SLC41A2: variants seen among roughly 807,000 people sequenced by gnomAD.
The protein encoded by SLC41A2 is solute carrier family 41 member 2, also known as SLC41A1-like 1.
SLC41A2 carries 32 observed loss-of-function variants against 58.3 expected under a neutral mutation model. That is an observed-to-expected ratio of 0.55 (90% CI 0.41 to 0.74). The LOEUF (loss-of-function observed/expected upper bound fraction) is 0.74. SLC41A2 is among the 30% of genes least tolerant of loss of function. SLC41A2 has a pLI of 0.00. For missense variants in SLC41A2, 514 were observed against 680.6 expected (o/e 0.76, Z 2.72); for synonymous variants, 190 against 235.0 (o/e 0.81, Z 1.75).
chr12:104,944,472 G>A (rs1018380023), intron 1 of SLC41A2, among the ~76,000 whole-genome samples: 6 of 152,198 alleles, frequency 3.9e-5, no homozygotes, highest in African/African-American at 7.2e-5. Flanking sequence ...TTGAGATTAC[G>A]TAAATCACAG....
At chr12:104,949,753 T>C (rs1450283438) in intron 1 of SLC41A2, among the ~76,000 whole-genome samples, 4 of 152,104 alleles carry the variant, frequency 2.6e-5, no homozygotes, top group Non-Finnish European at 5.9e-5. Context: ...CCGGCTAATA[T>C]TGTATTTTTA....
intron 10 of SLC41A2, among the ~76,000 whole-genome samples, chr12:104,824,434 T>C (rs1228147653): frequency 1.3e-5 from 2 of 152,098 alleles, no homozygotes; most frequent in African/African-American, 2.4e-5. Context: ...AGCCCAGGCC[T>C]CCAAGCGGCC....
At chr12:104,906,314 C>A (rs1445652189) in intron 3 of SLC41A2, among the ~76,000 whole-genome samples, 1 of 152,170 alleles carries the variant, frequency 6.6e-6, no homozygotes, top group African/African-American at 2.4e-5. Flanking sequence ...TGAAGGCAGA[C>A]CATGCCACCA....
At position 104,949,551 on chromosome 12, in the gene SLC41A2, T is replaced by G. The variant is rs191728899; in HGVS notation, c.-168+8537A>C. 3.1e-3 allele frequency among the ~76,000 whole-genome samples: 471 copies of G among 152,268 alleles called. 6 individuals are homozygous for G. The highest frequency in any genetic ancestry group is 0.011 in the African/African-American group (457 of 41,530). On this transcript the variant is annotated intron_variant, in intron 1 of 10. Coordinates refer to ENST00000258538, the MANE Select transcript of SLC41A2 (RefSeq NM_001352171.3). ...AATGTAAGTGTTCACCAACTACAAG[T>G]TGAAAGGAGGAATGAACAAAATGAT... is the stretch of plus-strand genomic sequence containing the variant.
chr12:104,867,831 T>C (rs1267910407), intron 6 of SLC41A2, among the ~76,000 whole-genome samples: 2 of 151,462 alleles, frequency 1.3e-5, no homozygotes, highest in Non-Finnish European at 1.5e-5. Context: ...ACTCTTATCT[T>C]TGACTGAATT....
intron 2 of SLC41A2, among the ~76,000 whole-genome samples, chr12:104,925,524 G>C (rs929274716): frequency 4.0e-5 from 6 of 151,870 alleles, no homozygotes; most frequent in Non-Finnish European, 7.4e-5. Flanking sequence ...CGCCACTGCA[G>C]TCCGGCCTGG....
intron 3 of SLC41A2, 41 bp downstream of exon 3, chr12:104,909,613 AG>A (rs765388595): frequency 1.5e-6 from 2 of 1,304,980 alleles, no homozygotes; most frequent in African/African-American, 1.5e-5. Flanking sequence ...AGAGAGAAAC[AG>A]GATAGGTAAT....
chr12:104,817,998 A>C (rs777115083), intron 10 of SLC41A2, among the ~76,000 whole-genome samples: 1 of 152,248 alleles, frequency 6.6e-6, no homozygotes, highest in Admixed American at 6.5e-5. Context: ...CATCACAAAA[A>C]AATGATAATT....
At chr12:104,924,894 G>A (rs933445868) in intron 2 of SLC41A2, among the ~76,000 whole-genome samples, 64 of 152,090 alleles carry the variant, frequency 4.2e-4, no homozygotes, top group African/African-American at 1.4e-3. Flanking sequence ...AATGTTGAGG[G>A]AAAAAAAGCC....
intron 6 of SLC41A2, among the ~76,000 whole-genome samples, chr12:104,873,061 C>T (rs542977612): frequency 3.2e-4 from 49 of 152,260 alleles, no homozygotes; most frequent in African/African-American, 1.1e-3. Flanking sequence ...TCTTGGCAAA[C>T]TTCTAGTTAT....
In SLC41A2 at chr12:104,928,334, C is replaced by A. The variant is rs1284394175; in HGVS notation, c.194G>T (p.Trp65Leu). ...TACTGCAGTTGATAATCCATCTTGC[C>A]AAATGCCGTTTGCTTTTTTGTGCCT... is the stretch of plus-strand genomic sequence containing the variant. ...EDRHKKANGI[W>L]QDGLSTAVQT... Residue 65 changes from tryptophan to leucine, a missense_variant, in exon 2 of 11, where the codon TGG becomes TTG. Transcript: ENST00000258538. 1.9e-6 allele frequency: 3 copies of A among 1,612,700 alleles called. No individual in the cohort carries two copies. Among genetic ancestry groups the A allele is most frequent in the Middle Eastern group, 1.7e-4 (1 of 6,058 alleles).
At chr12:104,941,482 C>T (rs1210458559) in intron 1 of SLC41A2, among the ~76,000 whole-genome samples, 1 of 152,046 alleles carries the variant, frequency 6.6e-6, no homozygotes, top group Admixed American at 6.5e-5. Context: ...GAATCACAAC[C>T]CTCAACTCTC....
At chr12:104,915,358 C>A (rs945947647) in intron 2 of SLC41A2, among the ~76,000 whole-genome samples, 2 of 152,124 alleles carry the variant, frequency 1.3e-5, no homozygotes, top group Non-Finnish European at 2.9e-5. Flanking sequence ...AAACCTTGGG[C>A]AGTATGGCCA....
rs534247466 is a variant in SLC41A2, at chr12:104,956,207, A to C, written c.-168+1881T>G. Reference sequence around the variant, plus strand: ...ATGTAAAGGGGTCAGTAAGATGTCCAGAATGAACAGGTAGGGTATTCTTAA... The same window carrying C: ...ATGTAAAGGGGTCAGTAAGATGTCCCGAATGAACAGGTAGGGTATTCTTAA... On this transcript the variant is annotated intron_variant, in intron 1 of 10. Coordinates refer to ENST00000258538, the MANE Select transcript of SLC41A2 (RefSeq NM_001352171.3). 2.0e-5 allele frequency among the ~76,000 whole-genome samples: 3 copies of C among 152,362 alleles called. No homozygotes were observed. In the South Asian group the frequency reaches 6.2e-4, roughly 32 times the overall value.
At chr12:104,923,271 A>T (rs1593149927) in intron 2 of SLC41A2, among the ~76,000 whole-genome samples, 1 of 147,894 alleles carries the variant, frequency 6.8e-6, no homozygotes, top group Non-Finnish European at 1.5e-5. Flanking sequence ...CTGAGGCAGG[A>T]GAATGGTGTG....
intron 1 of SLC41A2, among the ~76,000 whole-genome samples, chr12:104,931,062 GA>G (rs2047032625): frequency 6.6e-6 from 1 of 152,174 alleles, no homozygotes; most frequent in South Asian, 2.1e-4. Flanking sequence ...GTGCCTCCTG[GA>G]AAAAGGAAGC....
chr12:104,854,576 A>AC (rs2042955792), intron 8 of SLC41A2, among the ~76,000 whole-genome samples: 2 of 146,830 alleles, frequency 1.4e-5, no homozygotes, highest in Admixed American at 6.7e-5. Flanking sequence ...AAAACAAAAA[A>AC]AAAAAAACAC....
chr12:104,822,546 C>T (rs2136243022), intron 10 of SLC41A2, among the ~76,000 whole-genome samples: 1 of 152,086 alleles, frequency 6.6e-6, no homozygotes, highest in Admixed American at 6.6e-5. Context: ...GGATTGTGAG[C>T]AATTTTGATA....
At chr12:104,926,911 C>T (rs1399558500) in intron 2 of SLC41A2, among the ~76,000 whole-genome samples, 2 of 151,820 alleles carry the variant, frequency 1.3e-5, no homozygotes, top group Non-Finnish European at 2.9e-5. Context: ...CACAGCAAGA[C>T]CTTGTCTCTA....
Sources: allele counts gnomAD v4.1 joint callset (sites outside exome capture counted in the v4.1 genomes callset), GRCh38; gene constraint gnomAD v4.1.1; transcripts MANE v1.5; gene names NCBI Gene and HGNC (gene_info 2026-07-23, HGNC 2026-07-21).